Variants in SLC28A3 observed in about 807,000 individuals in gnomAD.
SLC28A3 encodes solute carrier family 28 member 3.
A neutral mutation model predicts 84.2 loss-of-function variants in SLC28A3; 68 were observed. The observed-to-expected ratio is 0.81, with a 90% CI of 0.66 to 0.99. The LOEUF is 0.99. SLC28A3 is among the 50% of genes least tolerant of loss of function. The pLI, the probability that SLC28A3 is intolerant of heterozygous loss-of-function variation, is 0.00. For synonymous variants in SLC28A3, 267 were observed against 303.6 expected, an observed-to-expected ratio of 0.88 and a Z score of 1.25; for missense variants, 712 against 841.5, an observed-to-expected ratio of 0.85 and a Z score of 1.90.
At chr9:84,358,243 G>T in the SLC28A3 span, among the ~76,000 whole-genome samples, 6 of 152,300 alleles carry the variant, frequency 3.9e-5, no homozygotes, top group African/African-American at 1.4e-4. Context: ...AGGGGAGAGA[G>T]TCCAGTGGCC....
At chr9:84,339,404 C>A (rs974914099) in intron 1 of SLC28A3, among the ~76,000 whole-genome samples, 3 of 152,048 alleles carry the variant, frequency 2.0e-5, no homozygotes, top group African/African-American at 7.3e-5. Flanking sequence ...CATGTACCAC[C>A]ATGCCCGGCT....
At position 84,323,426 on chromosome 9, in the gene SLC28A3, A is replaced by T. The variant is rs910637571; in HGVS notation, c.61-9972T>A. 2.1e-4 allele frequency among the ~76,000 whole-genome samples: 30 copies of T among 141,176 alleles called. No individual in the cohort carries two copies. The East Asian group carries it at 6.0e-3, about 28-fold the overall frequency. 92.6% of individuals were successfully genotyped at this position (141,176 alleles called of 152,430 possible). A position where few individuals can be genotyped will look rare whatever the true frequency, so the allele number is the denominator to read the frequency against. ...TGTCATTTTTATGATTCAGTACATG[A>T]TTTTTTTTTTTTTTTTGAGACGGAG... On this transcript the variant is annotated intron_variant, in intron 1 of 17. Coordinates refer to ENST00000376238, the MANE Select transcript of SLC28A3 (RefSeq NM_001199633.2).
chr9:84,286,791 C>G (rs968500084), intron 12 of SLC28A3, among the ~76,000 whole-genome samples: 1 of 152,066 alleles, frequency 6.6e-6, no homozygotes, highest in Admixed American at 6.6e-5. Flanking sequence ...TTTGAATCCC[C>G]CTGTGTACTC....
chr9:84,289,075 T>C (rs1825110208), intron 11 of SLC28A3, among the ~76,000 whole-genome samples: 1 of 152,130 alleles, frequency 6.6e-6, no homozygotes, highest in African/African-American at 2.4e-5. Context: ...TGCCCTCACA[T>C]GGTTTCTGGA....
intron 1 of SLC28A3, among the ~76,000 whole-genome samples, chr9:84,336,335 C>G (rs1826975443): frequency 1.2e-5 from 1 of 84,854 alleles, no homozygotes; most frequent in Non-Finnish European, 2.3e-5. Flanking sequence ...AACCCTGTCT[C>G]TACTAAAAAT....
At chr9:84,334,683 G>C (rs2118603208) in intron 1 of SLC28A3, among the ~76,000 whole-genome samples, 1 of 151,422 alleles carries the variant, frequency 6.6e-6, no homozygotes, top group East Asian at 1.9e-4. Context: ...GCCTGCCCTA[G>C]GTCTTCCCCT....
the SLC28A3 span, among the ~76,000 whole-genome samples, chr9:84,356,802 G>A: frequency 6.6e-6 from 1 of 151,974 alleles, no homozygotes; most frequent in Non-Finnish European, 1.5e-5. Context: ...CTGCACTCCA[G>A]CCTGGGCAAC....
At chr9:84,310,560 T>G (rs1471055964) in intron 2 of SLC28A3, 1 of 985,356 alleles carries the variant, frequency 1.0e-6, no homozygotes, top group African/African-American at 1.7e-5. Context: ...ACTTGTCTTC[T>G]GTCATATCCA....
At chr9:84,328,451 T>C (rs1217050418) in intron 1 of SLC28A3, among the ~76,000 whole-genome samples, 3 of 151,776 alleles carry the variant, frequency 2.0e-5, no homozygotes, top group Non-Finnish European at 4.4e-5. Context: ...GGTGAAACCC[T>C]ATCTCTATAA....
the SLC28A3 span, among the ~76,000 whole-genome samples, chr9:84,355,301 A>G: frequency 3.9e-5 from 6 of 152,028 alleles, no homozygotes; most frequent in African/African-American, 7.2e-5. Flanking sequence ...AGCCAGGCAC[A>G]GTGGTGCATG....
intron 1 of SLC28A3, among the ~76,000 whole-genome samples, chr9:84,328,345 A>G (rs1029420559): frequency 1.7e-4 from 26 of 151,922 alleles, no homozygotes; most frequent in Admixed American, 1.4e-3. Flanking sequence ...AAAAAAAAAA[A>G]ACATGATCTG....
chr9:84,326,022 G>GCT (rs1826535902), intron 1 of SLC28A3, among the ~76,000 whole-genome samples: 1 of 152,140 alleles, frequency 6.6e-6, no homozygotes, highest in South Asian at 2.1e-4. Context: ...AGCTATCAAA[G>GCT]ATCCAGAATC....
upstream of SLC28A3, among the ~76,000 whole-genome samples, chr9:84,342,406 A>C (rs1204594042): frequency 1.3e-5 from 2 of 150,674 alleles, no homozygotes; most frequent in Non-Finnish European, 1.5e-5. Flanking sequence ...CTGAATATAC[A>C]CTTAGTAGCA....
At chr9:84,312,688 G>A (rs761610145) in intron 2 of SLC28A3, among the ~76,000 whole-genome samples, 2 of 151,836 alleles carry the variant, frequency 1.3e-5, no homozygotes, top group Non-Finnish European at 2.9e-5. Context: ...ACAGGCACAC[G>A]CCACCACGCC....
chr9:84,346,322 G>A, the SLC28A3 span, among the ~76,000 whole-genome samples: 1 of 152,170 alleles, frequency 6.6e-6, no homozygotes, highest in African/African-American at 2.4e-5. Context: ...TAATTACATG[G>A]CAATAGATTG....
At chr9:84,331,767 TA>T in intron 1 of SLC28A3, among the ~76,000 whole-genome samples, 1 of 152,314 alleles carries the variant, frequency 6.6e-6, no homozygotes, top group African/African-American at 2.4e-5. Flanking sequence ...ATAAATGTGT[TA>T]AAAAACATTC....
chr9:84,361,291 G>A, the SLC28A3 span, among the ~76,000 whole-genome samples: 3 of 152,180 alleles, frequency 2.0e-5, no homozygotes, highest in South Asian at 6.2e-4. Flanking sequence ...GTTGCAGTGA[G>A]CCGAGATCGC....
Position 84,279,371 on chromosome 9 carries a change from T to C in SLC28A3, c.1843A>G (p.Thr615Ala). Reference protein sequence around the residue: ...TACIAGILSSTPVDINCHHVL... With the variant: ...TACIAGILSSAPVDINCHHVL... Reference sequence around the variant, plus strand: ...TGATGGCAGTTGATGTCCACAGGAGTGCTGGAGAGTATGCCTAGAAGTGGA... The same window carrying C: ...TGATGGCAGTTGATGTCCACAGGAGCGCTGGAGAGTATGCCTAGAAGTGGA... The change falls in exon 17 of 18, where the codon ACT (threonine) becomes GCT (alanine). Residue 615 changes from threonine (T) to alanine (A), a missense_variant. Physicochemically the swap from Thr to Ala is moderately conservative, Grantham distance 58. Coordinates refer to ENST00000376238, the MANE Select transcript of SLC28A3 (RefSeq NM_001199633.2). The C allele has an allele frequency of 6.3e-7, 1 of 1,589,646 alleles. No homozygotes were observed. The highest frequency in any genetic ancestry group is 1.7e-5 in the Admixed American group (1 of 57,834).
chr9:84,293,728 C>T (rs1825318352), intron 9 of SLC28A3, among the ~76,000 whole-genome samples: 2 of 152,212 alleles, frequency 1.3e-5, no homozygotes, highest in Admixed American at 1.3e-4. Context: ...GAAACTCCCT[C>T]AGGAGTGAAA....
Sources: allele counts gnomAD v4.1 joint callset (sites outside exome capture counted in the v4.1 genomes callset), GRCh38; gene constraint gnomAD v4.1.1; transcripts MANE v1.5; gene names NCBI Gene and HGNC (gene_info 2026-07-23, HGNC 2026-07-21).